Variants in PIEZO2 observed in about 807,000 individuals in gnomAD.
PIEZO2 encodes the protein piezo type mechanosensitive ion channel component 2.
In PIEZO2, 172 loss-of-function variants were observed where a neutral mutation model predicts 337.3. The ratio of observed to expected loss-of-function variants is 0.51; its 90% CI spans 0.45 to 0.58. PIEZO2 has a LOEUF of 0.58. Ranked by LOEUF, PIEZO2 falls within the 20% of genes least tolerant of loss-of-function variation. The pLI is 0.00. For missense variants in PIEZO2, 3,028 were observed against 3,391.3 expected, an observed-to-expected ratio of 0.89 and a Z score of 2.66; for synonymous variants, 1,251 against 1,228.5, an observed-to-expected ratio of 1.02 and a Z score of -0.38.
chr18:10,952,528 G>T lies in PIEZO2; in HGVS notation c.286+27007C>A, dbSNP rs1292890112. Among the ~76,000 whole-genome samples the T allele has an allele frequency of 2.0e-5, 3 of 152,188 alleles. No homozygotes were observed. Among genetic ancestry groups the T allele is most frequent in the Non-Finnish European group, 4.4e-5 (3 of 68,038 alleles). The stretch of plus-strand genomic sequence containing the variant: ...CATAATGCTGAATTGAGATGCTCTT[G>T]CATGTACCCATAGTTTGTTGCTTTC... On this transcript the variant is annotated intron_variant, in intron 3 of 55. Coordinates refer to ENST00000674853, the MANE Select transcript of PIEZO2 (RefSeq NM_001378183.1). The surrounding 1 kb of genome is among the most constrained non-coding windows in gnomAD (Gnocchi z 4.1).
chr18:10,708,632 G>A (rs1403125122), intron 39 of PIEZO2, among the ~76,000 whole-genome samples, 193 bp from the exon 40 acceptor site: 1 of 152,108 alleles, frequency 6.6e-6, no homozygotes, highest in Non-Finnish European at 1.5e-5. Context: ...AAACACACGA[G>A]TACTGGATTT....
rs548865125 is a variant in PIEZO2 at position 10,940,108 on chromosome 18, C to A, written c.287-28880G>T. 9.9e-5 allele frequency among the ~76,000 whole-genome samples: 15 copies of A among 152,232 alleles called. No individual in the cohort carries two copies. Among genetic ancestry groups the A allele is most frequent in the African/African-American group, 3.6e-4 (15 of 41,532 alleles). ...CAAACTCCAGGGAGTGGTTCGCCAGCCTTTCCTACAAAAAAACACACTTCA... is the reference window on the plus strand; with the variant it reads ...CAAACTCCAGGGAGTGGTTCGCCAGACTTTCCTACAAAAAAACACACTTCA... On this transcript the variant is annotated intron_variant, in intron 3 of 55. Transcript: ENST00000674853. The surrounding 1 kb of genome is among the most constrained non-coding windows in gnomAD (Gnocchi z 5.3).
At position 11,089,408 on chromosome 18, in the gene PIEZO2, A is replaced by G. The variant is rs141830446; in HGVS notation, c.65-23186T>C. On this transcript the variant is annotated intron_variant, in intron 1 of 55. Transcript: ENST00000674853. Reference sequence around the variant, plus strand: ...TAATTGAGTTTAATAATTGAGCTCAAGGTATCATTCACTTCACTAAAAGAT... The same window carrying G: ...TAATTGAGTTTAATAATTGAGCTCAGGGTATCATTCACTTCACTAAAAGAT... Among the ~76,000 whole-genome samples the G allele has an allele frequency of 4.6e-3, 700 of 152,336 alleles. 3 individuals are homozygous for G. The highest frequency in any genetic ancestry group is 0.01 in the Middle Eastern group (3 of 294).
rs1191160208 is a variant in PIEZO2, at chr18:11,132,732, A to C, written c.64+15793T>G. On this transcript the variant is annotated intron_variant, in intron 1 of 55. Coordinates refer to ENST00000674853, the MANE Select transcript of PIEZO2 (RefSeq NM_001378183.1). The surrounding 1 kb of genome is among the most constrained non-coding windows in gnomAD (Gnocchi z 4.7). Reference sequence around the variant, plus strand: ...TGGGAGTTAAGATTGCCACCTGGACACTTTGGGCTCCTCCTACCTTTAAGT... The same window carrying C: ...TGGGAGTTAAGATTGCCACCTGGACCCTTTGGGCTCCTCCTACCTTTAAGT... Among the ~76,000 whole-genome samples, 2 of 152,192 alleles carry C rather than the reference A, an allele frequency of 1.3e-5. No individual in the cohort carries two copies. The highest frequency in any genetic ancestry group is 2.9e-5 in the Non-Finnish European group (2 of 68,030).
intron 4 of PIEZO2, among the ~76,000 whole-genome samples, chr18:10,873,929 A>G (rs182205866): frequency 1.3e-5 from 2 of 152,144 alleles, no homozygotes; most frequent in African/African-American, 2.4e-5. Flanking sequence ...TTTGGGTAAG[A>G]CCTCAAAAGC....
intron 44 of PIEZO2, 69 bp from the exon 45 acceptor site, chr18:10,697,949 G>T: frequency 6.6e-7 from 1 of 1,526,120 alleles, no homozygotes. Context: ...TATCCAAGAA[G>T]CAGAACCCAG....
At chr18:10,701,155 A>T (rs1337534142) in intron 43 of PIEZO2, among the ~76,000 whole-genome samples, 1 of 152,276 alleles carries the variant, frequency 6.6e-6, no homozygotes, top group Non-Finnish European at 1.5e-5. Flanking sequence ...AAAGGAATTT[A>T]AAATATTTTA....
At chr18:11,079,646 G>A (rs1471754851) in intron 1 of PIEZO2, among the ~76,000 whole-genome samples, 1 of 152,150 alleles carries the variant, frequency 6.6e-6, no homozygotes, top group Admixed American at 6.5e-5. Flanking sequence ...ATTTACTGAA[G>A]GAATAAATTA....
In PIEZO2 at chr18:10,847,975, C is replaced by T. The variant is rs1026165852; in HGVS notation, c.917+7378G>A. Reference sequence around the variant, plus strand: ...ATTTGTTTTTCTCCACACACTGGACCGATTTCAGATGAAGGTTTTGCCAAC... The same window carrying T: ...ATTTGTTTTTCTCCACACACTGGACTGATTTCAGATGAAGGTTTTGCCAAC... On this transcript the variant is annotated intron_variant, in intron 7 of 55. Transcript: ENST00000674853. The surrounding 1 kb of genome is among the most constrained non-coding windows in gnomAD (Gnocchi z 5.7). 1.1e-4 allele frequency among the ~76,000 whole-genome samples: 16 copies of T among 152,130 alleles called. No homozygotes were observed. Among genetic ancestry groups the T allele is most frequent in the African/African-American group, 2.9e-4 (12 of 41,428 alleles).
chr18:11,018,220 G>GGTGGT (rs1555694658), intron 2 of PIEZO2, among the ~76,000 whole-genome samples: 2 of 144,034 alleles, frequency 1.4e-5, no homozygotes, highest in East Asian at 2.0e-4. Flanking sequence ...TGGTGGTGGT[G>GGTGGT]GTGTGTGTGT....
rs2298742 is a variant in PIEZO2 at position 10,713,089 on chromosome 18, C to A, written c.5423+1675G>T. On this transcript the variant is annotated intron_variant, in intron 39 of 55. Coordinates refer to ENST00000674853, the MANE Select transcript of PIEZO2 (RefSeq NM_001378183.1). The surrounding 1 kb of genome is among the most constrained non-coding windows in gnomAD (Gnocchi z 4.5). The stretch of plus-strand genomic sequence containing the variant: ...ACACCCATGCACAGTGTTATCTGCA[C>A]GAATATTACTTCTAAATCAATCTAG... 6.6e-6 allele frequency among the ~76,000 whole-genome samples: 1 copy of A among 151,940 alleles called. No individual in the cohort carries two copies. The highest frequency in any genetic ancestry group is 6.6e-5 in the Admixed American group (1 of 15,252).
intron 13 of PIEZO2, among the ~76,000 whole-genome samples, chr18:10,793,242 G>GGGC (rs2039470093): frequency 6.6e-6 from 1 of 150,904 alleles, no homozygotes; most frequent in Non-Finnish European, 1.5e-5. Flanking sequence ...CTGGGATACA[G>GGGC]AGCAAAACTC....
Position 10,987,611 on chromosome 18 carries a change from G to A in PIEZO2, c.161-7951C>T, listed in dbSNP as rs939507672. On this transcript the variant is annotated intron_variant, in intron 2 of 55. Transcript: ENST00000674853. ...CAAAACACCCAGGAGAAAACATAGG[G>A]AAAAGATTCCTTGACATTGGTTTTG... Among the ~76,000 whole-genome samples, 8 of 152,094 alleles carry A rather than the reference G, an allele frequency of 5.3e-5. No individual in the cohort carries two copies. In the South Asian group the frequency reaches 1.7e-3, roughly 32 times the overall value.
Position 10,672,927 on chromosome 18 carries a change from G to A in PIEZO2, c.8162-54C>T. Reference sequence around the variant, plus strand: ...TGACATGAGAATTTTAGGATTTCATGCACAGCAACAGTTTTCAGATGGCAA... The same window carrying A: ...TGACATGAGAATTTTAGGATTTCATACACAGCAACAGTTTTCAGATGGCAA... On this transcript the variant is annotated intron_variant, in intron 54 of 55. Coordinates refer to ENST00000674853, the MANE Select transcript of PIEZO2 (RefSeq NM_001378183.1). This position sits in a 1 kb window ranked among gnomAD's most constrained non-coding sequence, Gnocchi z 4.7. The A allele has an allele frequency of 1.4e-6, 2 of 1,448,416 alleles. No individual in the cohort carries two copies. Among genetic ancestry groups the A allele is most frequent in the Non-Finnish European group, 1.9e-6 (2 of 1,052,206 alleles). The allele number at this position is 1,448,416 out of a possible 1,614,324, so 89.7% of individuals were successfully genotyped here. A position where few individuals can be genotyped will look rare whatever the true frequency, so the allele number is the denominator to read the frequency against.
chr18:10,691,004 G>A (rs919298800), intron 48 of PIEZO2, among the ~76,000 whole-genome samples: 5 of 152,098 alleles, frequency 3.3e-5, no homozygotes, highest in African/African-American at 4.8e-5. Context: ...ACTAACCCAC[G>A]TGGATGAATG....
intron 1 of PIEZO2, among the ~76,000 whole-genome samples, chr18:11,139,903 C>T (rs113805207): frequency 6.6e-6 from 1 of 152,162 alleles, no homozygotes. Context: ...CCATCGAGTT[C>T]TCTTCTAGGG....
At chr18:11,121,141 T>G (rs1006022856) in intron 1 of PIEZO2, among the ~76,000 whole-genome samples, 1 of 152,142 alleles carries the variant, frequency 6.6e-6, no homozygotes, top group South Asian at 2.1e-4. Flanking sequence ...TAGTTCCACC[T>G]ACTCGGGAGG....
chr18:10,962,920 C>G lies in PIEZO2; in HGVS notation c.286+16615G>C, dbSNP rs2033844054. 6.6e-6 allele frequency among the ~76,000 whole-genome samples: 1 copy of G among 152,152 alleles called. No homozygotes were observed. Among genetic ancestry groups the G allele is most frequent in the African/African-American group, 2.4e-5 (1 of 41,440 alleles). On this transcript the variant is annotated intron_variant, in intron 3 of 55. Transcript: ENST00000674853. This position sits in a 1 kb window ranked among gnomAD's most constrained non-coding sequence, Gnocchi z 4.1. ...TGAAATGCATACACCTCTATCATCT[C>G]ATAAACTTTAAAAGACTAAAATTGG... is the stretch of plus-strand genomic sequence containing the variant.
chr18:10,886,471 G>A (rs2042604982), intron 4 of PIEZO2, among the ~76,000 whole-genome samples: 2 of 13,810 alleles, frequency 1.4e-4, no homozygotes, highest in Non-Finnish European at 2.6e-4. Context: ...ATTTGGGTGG[G>A]GACAAATATC....
Sources: allele counts gnomAD v4.1 joint callset (sites outside exome capture counted in the v4.1 genomes callset), GRCh38; gene constraint gnomAD v4.1.1; non-coding constraint Gnocchi (gnomAD v3.1); transcripts MANE v1.5; gene names NCBI Gene and HGNC (gene_info 2026-07-23, HGNC 2026-07-21).